The following SLC71A1 variants were observed in gnomAD, a reference collection of about 807,000 sequenced individuals.
The protein encoded by SLC71A1 is solute carrier family 71 member 1.
chr1:100,070,383 A>G, the SLC71A1 span, among the ~76,000 whole-genome samples: 8 of 152,318 alleles, frequency 5.3e-5, no homozygotes, highest in East Asian at 3.9e-4. Flanking sequence ...AGTTGAGTGA[A>G]CAGTTGAGAG....
the SLC71A1 span, chr1:100,082,227 A>G: frequency 1.2e-6 from 2 of 1,603,472 alleles, no homozygotes; most frequent in Non-Finnish European, 1.7e-6. Context: ...AATCAGGAAG[A>G]TTTTTCTATC....
At chr1:100,057,357 C>CTT in the SLC71A1 span, among the ~76,000 whole-genome samples, 42 of 122,544 alleles carry the variant, frequency 3.4e-4, no homozygotes, top group Middle Eastern at 4.2e-3. Context: ...CTTTTTCTTT[C>CTT]TTTTTTTTTT....
At chr1:100,049,528 G>T in the SLC71A1 span, among the ~76,000 whole-genome samples, 1 of 152,022 alleles carries the variant, frequency 6.6e-6, no homozygotes, top group Non-Finnish European at 1.5e-5. Context: ...TACTGAACTC[G>T]ATATATGAGA....
the SLC71A1 span, chr1:100,042,958 T>G: frequency 3.4e-6 from 1 of 298,012 alleles, no homozygotes; most frequent in Non-Finnish European, 5.0e-6. Context: ...ATATTGTCTT[T>G]GGCAGGTGTG....
At chr1:100,061,108 G>A in the SLC71A1 span, among the ~76,000 whole-genome samples, 2 of 152,152 alleles carry the variant, frequency 1.3e-5, no homozygotes, top group Non-Finnish European at 2.9e-5. Context: ...AAAAATTTTA[G>A]TAGTGATAGT....
the SLC71A1 span, among the ~76,000 whole-genome samples, chr1:100,054,103 G>GT: frequency 1.3e-5 from 2 of 149,312 alleles, no homozygotes; most frequent in East Asian, 3.9e-4. Flanking sequence ...GTGCAGTGGC[G>GT]TGATCTCGGC....
At chr1:100,077,443 C>T in the SLC71A1 span, among the ~76,000 whole-genome samples, 4 of 151,918 alleles carry the variant, frequency 2.6e-5, no homozygotes, top group Non-Finnish European at 4.4e-5. Context: ...TATATGTTCT[C>T]CTAGAATGGC....
At chr1:100,038,358 C>A in the SLC71A1 span, 1 of 1,495,852 alleles carries the variant, frequency 6.7e-7, no homozygotes, top group South Asian at 1.2e-5. Flanking sequence ...TCGGGGCCCC[C>A]ATCCGGTCTC....
chr1:100,046,212 GTTTTTTTTTTTTTT>G, the SLC71A1 span, among the ~76,000 whole-genome samples: 71 of 54,120 alleles, frequency 1.3e-3, no homozygotes, highest in South Asian at 0.01. Flanking sequence ...TCCAAGCCTC[GTTTTTTTTTTTTTT>G]TTTTTTTTTT....
At chr1:100,068,045 T>C in the SLC71A1 span, 5 of 1,614,218 alleles carry the variant, frequency 3.1e-6, 1 homozygote, top group South Asian at 5.5e-5. Context: ...GACGAGTATA[T>C]GGGGACAGCT....
the SLC71A1 span, among the ~76,000 whole-genome samples, chr1:100,066,873 C>A: frequency 1.3e-5 from 2 of 150,290 alleles, no homozygotes; most frequent in Non-Finnish European, 2.9e-5. Flanking sequence ...CCTGTAGTCC[C>A]AGCTATTCGG....
the SLC71A1 span, chr1:100,069,707 G>C: frequency 1.3e-6 from 2 of 1,520,812 alleles, no homozygotes; most frequent in Non-Finnish European, 1.8e-6. Context: ...TTTTTAGTTA[G>C]AGTGATGTCA....
At chr1:100,068,708 T>C in the SLC71A1 span, 1 of 669,796 alleles carries the variant, frequency 1.5e-6, no homozygotes, top group Non-Finnish European at 2.6e-6. Flanking sequence ...TTGGACTTGG[T>C]ATAGTGGCTC....
the SLC71A1 span, among the ~76,000 whole-genome samples, chr1:100,064,357 C>T: frequency 3.4e-4 from 52 of 152,154 alleles, no homozygotes; most frequent in African/African-American, 1.2e-3. Flanking sequence ...GTCTTGAACT[C>T]CTGACCTTTG....
the SLC71A1 span, chr1:100,077,234 C>T: frequency 6.3e-7 from 1 of 1,589,056 alleles, no homozygotes; most frequent in Non-Finnish European, 8.6e-7. Context: ...TCTAGGATTT[C>T]AAATATTACA....
the SLC71A1 span, among the ~76,000 whole-genome samples, chr1:100,045,302 C>T: frequency 3.9e-5 from 6 of 152,092 alleles, no homozygotes; most frequent in South Asian, 6.2e-4. Flanking sequence ...TCAGCTTTGT[C>T]GTTGCTGGAA....
At chr1:100,038,435 C>T in the SLC71A1 span, 1 of 838,374 alleles carries the variant, frequency 1.2e-6, no homozygotes, top group African/African-American at 1.7e-5. Flanking sequence ...CCACCCTGTC[C>T]GAGCTGCCGG....
chr1:100,040,539 T>G, the SLC71A1 span, among the ~76,000 whole-genome samples: 1 of 152,112 alleles, frequency 6.6e-6, no homozygotes, highest in African/African-American at 2.4e-5. Context: ...CGGCTCACTG[T>G]AACCACCGCC....
chr1:100,077,089 G>A, the SLC71A1 span: 2 of 698,580 alleles, frequency 2.9e-6, no homozygotes, highest in Non-Finnish European at 4.9e-6. Context: ...AGTGCCAATA[G>A]TCCTTTTATA....
Sources: allele counts gnomAD v4.1 joint callset (sites outside exome capture counted in the v4.1 genomes callset), GRCh38; gene constraint gnomAD v4.1.1; transcripts MANE v1.5; gene names NCBI Gene and HGNC (gene_info 2026-07-23, HGNC 2026-07-21).